RPH3A: variants seen among roughly 807,000 people sequenced by gnomAD.
The protein encoded by RPH3A is rabphilin-3A.
In RPH3A, 48 loss-of-function variants were observed where a neutral mutation model predicts 102.2. The observed-to-expected ratio is 0.47, with a 90% CI of 0.37 to 0.60. The LOEUF is 0.60. RPH3A is among the 20% of genes least tolerant of loss of function. The probability of loss-of-function intolerance (pLI) is 0.00; values close to 1 mark genes in which losing one functional copy is unlikely to be tolerated. For missense variants in RPH3A, 781 were observed against 910.1 expected (o/e 0.86, Z 1.83); for synonymous variants, 310 against 324.3 (o/e 0.96, Z 0.47).
chr12:112,869,851 C>G, intron 9 of RPH3A, 42 bp from the exon 10 acceptor site: 1 of 1,614,132 alleles, frequency 6.2e-7, no homozygotes, highest in Non-Finnish European at 8.5e-7. Flanking sequence ...ACCTAATTCC[C>G]TCGATGCCCT....
intron 1 of RPH3A, among the ~76,000 whole-genome samples, chr12:112,667,895 A>G (rs1234287187): frequency 1.3e-5 from 2 of 152,188 alleles, no homozygotes; most frequent in Non-Finnish European, 2.9e-5. Context: ...GGAACAGTGG[A>G]TGGCCTGAGA....
At chr12:112,635,511 T>C (rs564632843) in intron 1 of RPH3A, among the ~76,000 whole-genome samples, 2 of 151,884 alleles carry the variant, frequency 1.3e-5, no homozygotes, top group African/African-American at 2.4e-5. Context: ...TTAAATGCCA[T>C]GTAAATGTAG....
chr12:112,806,101 C>T (rs2041456069), intron 2 of RPH3A, among the ~76,000 whole-genome samples: 1 of 152,174 alleles, frequency 6.6e-6, no homozygotes, highest in Non-Finnish European at 1.5e-5. Context: ...AGCACCCATA[C>T]ATATTGAGGA....
rs748683654 is a variant in RPH3A, at chr12:112,583,605, G to A, written c.-140+8286G>A. ...CTGCATTAAAAGCCAGGAGACTTGC[G>A]TTCCTCTTCTAGCCTTACTATTCAT... is the stretch of plus-strand genomic sequence containing the variant. On this transcript the variant is annotated intron_variant, in intron 1 of 21. Transcript: ENST00000543106. 2.4e-4 allele frequency among the ~76,000 whole-genome samples: 36 copies of A among 152,328 alleles called. 1 individual carries two copies. Among genetic ancestry groups the A allele is most frequent in the Non-Finnish European group, 4.4e-4 (30 of 68,030 alleles).
chr12:112,724,244 T>C (rs974986068), intron 1 of RPH3A, among the ~76,000 whole-genome samples: 3 of 152,000 alleles, frequency 2.0e-5, no homozygotes, highest in African/African-American at 7.3e-5. Flanking sequence ...TTTTTTTGTT[T>C]GGTAAAGACA....
intron 2 of RPH3A, among the ~76,000 whole-genome samples, chr12:112,803,785 C>A (rs965653309): frequency 6.6e-6 from 1 of 152,142 alleles, no homozygotes; most frequent in Admixed American, 6.6e-5. Flanking sequence ...AGGCAGTATG[C>A]GCAGTCCTTA....
At chr12:112,597,233 G>A (rs1046815923) in intron 1 of RPH3A, among the ~76,000 whole-genome samples, 3 of 152,234 alleles carry the variant, frequency 2.0e-5, no homozygotes, top group Admixed American at 1.3e-4. Flanking sequence ...TATCTGTCCC[G>A]TTTTAATTCT....
intron 5 of RPH3A, among the ~76,000 whole-genome samples, chr12:112,855,512 CA>C (rs1034631653): frequency 1.3e-5 from 2 of 152,212 alleles, no homozygotes; most frequent in Non-Finnish European, 2.9e-5. Flanking sequence ...TGCTGAGGCC[CA>C]GGCAGGAATC....
In RPH3A at chr12:112,678,295, A is replaced by AGAGAGAGAG. The variant is rs1566255284; in HGVS notation, c.-140+102976_-140+102977insGAGAGAGAG. ...AAAGAAAGAAAGAAAGAAAGAAAGA[A>AGAGAGAGAG]AGAAAGAAAGAGAGAGAGAGAGAAA... On this transcript the variant is annotated intron_variant, in intron 1 of 21. Coordinates refer to the RPH3A transcript ENST00000543106. Among the ~76,000 whole-genome samples the AGAGAGAGAG allele has an allele frequency of 6.2e-3, 217 of 34,828 alleles. 44 individuals are homozygous for AGAGAGAGAG. Among genetic ancestry groups the AGAGAGAGAG allele is most frequent in the African/African-American group, 8.2e-3 (71 of 8,626 alleles). 22.8% of individuals were successfully genotyped at this position (34,828 alleles called of 152,430 possible). A position where few individuals can be genotyped will look rare whatever the true frequency, so the allele number is the denominator to read the frequency against.
At chr12:112,862,841 C>A (rs1036123424) in intron 5 of RPH3A, among the ~76,000 whole-genome samples, 1 of 152,244 alleles carries the variant, frequency 6.6e-6, no homozygotes, top group African/African-American at 2.4e-5. Context: ...CAACGAGGGC[C>A]GTGGGGAGAG....
At chr12:112,853,412 G>T (rs551433627) in intron 5 of RPH3A, among the ~76,000 whole-genome samples, 2 of 152,256 alleles carry the variant, frequency 1.3e-5, no homozygotes, top group African/African-American at 4.8e-5. Flanking sequence ...ATCAAGTTTG[G>T]GGGGACTCTG....
intron 1 of RPH3A, among the ~76,000 whole-genome samples, chr12:112,691,333 A>G (rs966113289): frequency 5.3e-5 from 8 of 152,176 alleles, no homozygotes; most frequent in Admixed American, 5.2e-4. Context: ...TCAGTGTAAA[A>G]AAAAGCCCAG....
intron 2 of RPH3A, among the ~76,000 whole-genome samples, chr12:112,805,509 A>T (rs1372344650): frequency 1.3e-5 from 2 of 152,176 alleles, no homozygotes; most frequent in African/African-American, 2.4e-5. Context: ...TTCTCCAGTG[A>T]GGGGACTCTG....
intron 2 of RPH3A, among the ~76,000 whole-genome samples, chr12:112,806,122 C>A (rs1170595324): frequency 6.6e-6 from 1 of 152,094 alleles, no homozygotes; most frequent in Admixed American, 6.5e-5. Context: ...AATAATTAAA[C>A]CAGGAAAGTA....
intron 1 of RPH3A, among the ~76,000 whole-genome samples, chr12:112,589,773 C>T (rs577114878): frequency 3.3e-5 from 5 of 152,280 alleles, no homozygotes; most frequent in African/African-American, 1.2e-4. Flanking sequence ...ACAGAAGATG[C>T]ATAATAAACA....
intron 19 of RPH3A, chr12:112,894,376 T>G: frequency 1.7e-6 from 1 of 597,440 alleles, no homozygotes; most frequent in East Asian, 2.8e-5. Context: ...CCTAGGGTCA[T>G]GTGGGGATTA....
chr12:112,859,763 A>G (rs759505628), intron 5 of RPH3A, among the ~76,000 whole-genome samples: 1 of 152,218 alleles, frequency 6.6e-6, no homozygotes, highest in Non-Finnish European at 1.5e-5. Flanking sequence ...CCGCTTTAAA[A>G]TGCAGGTTCC....
intron 16 of RPH3A, among the ~76,000 whole-genome samples, chr12:112,884,594 G>A (rs910818966): frequency 6.6e-6 from 1 of 152,062 alleles, no homozygotes; most frequent in Non-Finnish European, 1.5e-5. Flanking sequence ...ATTCTTCCTT[G>A]TGTACATATG....
intron 1 of RPH3A, among the ~76,000 whole-genome samples, chr12:112,697,656 G>A (rs1387089985): frequency 6.6e-6 from 1 of 152,186 alleles, no homozygotes; most frequent in African/African-American, 2.4e-5. Flanking sequence ...CTCGAGGTCA[G>A]GGGTTGGCAA....
Sources: gnomAD v4.1 joint callset for allele counts (sites outside exome capture counted in the v4.1 genomes callset) on GRCh38, gnomAD v4.1.1 for gene constraint, MANE v1.5 for transcripts, NCBI Gene and HGNC (gene_info 2026-07-23, HGNC 2026-07-21) for gene names.